The following KIFAP3 variants were observed in gnomAD, a reference collection of about 807,000 sequenced individuals.
KIFAP3 encodes kinesin-associated protein 3.
KIFAP3 carries 68 observed loss-of-function variants against 106.5 expected under a neutral mutation model. That is an observed-to-expected ratio of 0.64 (90% CI 0.53 to 0.78). The LOEUF is 0.78. KIFAP3 is among the 30% of genes least tolerant of loss of function. KIFAP3 has a pLI of 0.00. For missense variants in KIFAP3, 780 were observed against 941.8 expected (o/e 0.83, Z 2.25); for synonymous variants, 320 against 311.5 (o/e 1.03, Z -0.29).
intron 9 of KIFAP3, among the ~76,000 whole-genome samples, chr1:170,017,241 G>A (rs1022819121): frequency 3.4e-5 from 4 of 119,084 alleles, no homozygotes; most frequent in African/African-American, 1.0e-4. Context: ...TGGTGGCAGA[G>A]AGAGAGACTG....
At chr1:170,082,359 T>C (rs1286562545) in intron 1 of KIFAP3, among the ~76,000 whole-genome samples, 1 of 152,124 alleles carries the variant, frequency 6.6e-6, no homozygotes, top group East Asian at 1.9e-4. Context: ...AACTCTTGAA[T>C]AGAAAAAAAG....
chr1:170,040,331 A>G (rs1467300439), intron 3 of KIFAP3, among the ~76,000 whole-genome samples: 1 of 152,170 alleles, frequency 6.6e-6, no homozygotes, highest in Non-Finnish European at 1.5e-5. Flanking sequence ...GTGTATATTT[A>G]ATATACATTT....
At chr1:170,018,478 G>A (rs1306989052) in intron 9 of KIFAP3, among the ~76,000 whole-genome samples, 4 of 151,714 alleles carry the variant, frequency 2.6e-5, no homozygotes, top group Non-Finnish European at 5.9e-5. Context: ...AACATCTCAC[G>A]TCTTTTAGTT....
chr1:170,041,587 G>A (rs1669983723), intron 3 of KIFAP3: 1 of 984,014 alleles, frequency 1.0e-6, no homozygotes, highest in Non-Finnish European at 1.5e-6. Flanking sequence ...TAGCATTTCA[G>A]AGGCCCGGAG....
At chr1:170,000,357 A>G (rs1055284750) in intron 10 of KIFAP3, among the ~76,000 whole-genome samples, 2 of 152,162 alleles carry the variant, frequency 1.3e-5, no homozygotes, top group Non-Finnish European at 2.9e-5. Flanking sequence ...AGAAGTGGGA[A>G]TATAAGCACA....
intron 10 of KIFAP3, among the ~76,000 whole-genome samples, chr1:170,014,904 T>G (rs1668429662): frequency 6.6e-6 from 1 of 152,106 alleles, no homozygotes; most frequent in Non-Finnish European, 1.5e-5. Flanking sequence ...AAACTCTAAG[T>G]TGAATATAGT....
At position 169,921,423 on chromosome 1, in the gene KIFAP3, T is replaced by A; in HGVS notation, c.*253A>T. 1 of 301,272 alleles carries A rather than the reference T, an allele frequency of 3.3e-6. No homozygotes were observed. Among genetic ancestry groups the A allele is most frequent in the Non-Finnish European group, 6.2e-6 (1 of 161,280 alleles). The allele number at this position is 301,272 out of a possible 1,614,324, so 18.7% of individuals were successfully genotyped here. ...TTTCCAGTCTAGTAGCTTTTCAGCA[T>A]TCAGTTTTGTGGCTCATGGGAAATG... On this transcript the variant is annotated 3_prime_UTR_variant, in exon 20 of 20. Coordinates refer to ENST00000361580, the MANE Select transcript of KIFAP3 (RefSeq NM_014970.4).
chr1:170,029,635 C>A (rs759783597), intron 8 of KIFAP3, among the ~76,000 whole-genome samples: 1 of 151,248 alleles, frequency 6.6e-6, no homozygotes, highest in Non-Finnish European at 1.5e-5. Context: ...TATATTAAAC[C>A]CAAAGTAAGC....
chr1:169,994,411 G>A (rs1035590033), intron 10 of KIFAP3, among the ~76,000 whole-genome samples: 1 of 152,116 alleles, frequency 6.6e-6, no homozygotes, highest in African/African-American at 2.4e-5. Flanking sequence ...ATAAAAGACT[G>A]ATAAACACTG....
At chr1:170,060,051 G>T (rs539392196) in intron 1 of KIFAP3, among the ~76,000 whole-genome samples, 1 of 152,236 alleles carries the variant, frequency 6.6e-6, no homozygotes, top group South Asian at 2.1e-4. Context: ...CAAACCCACA[G>T]CCAATATCAT....
At position 169,951,599 on chromosome 1, in the gene KIFAP3, C is replaced by T. The variant is rs192811311; in HGVS notation, c.2273+2412G>A. ...GACCCAGTACATAACTTGTGGAATACATTTATCTCTCTCAAAACTTTTATT... is the reference window on the plus strand; with the variant it reads ...GACCCAGTACATAACTTGTGGAATATATTTATCTCTCTCAAAACTTTTATT... On this transcript the variant is annotated intron_variant, in intron 19 of 19. Coordinates refer to ENST00000361580, the MANE Select transcript of KIFAP3 (RefSeq NM_014970.4). Among the ~76,000 whole-genome samples the T allele has an allele frequency of 4.6e-3, 692 of 151,924 alleles. 6 individuals are homozygous for T. Among genetic ancestry groups the T allele is most frequent in the Non-Finnish European group, 5.3e-3 (358 of 67,750 alleles).
chr1:169,939,106 T>G (rs486431), intron 19 of KIFAP3, among the ~76,000 whole-genome samples: 142,366 of 152,230 alleles, frequency 0.94, 66,659 homozygotes, highest in East Asian at 0.99. Flanking sequence ...AAAAGATCAT[T>G]ATGGCTACTG....
chr1:169,992,289 A>C (rs746848983), intron 10 of KIFAP3, 34 bp from the exon 11 acceptor site: 2 of 1,190,878 alleles, frequency 1.7e-6, no homozygotes, highest in South Asian at 3.0e-5. Flanking sequence ...TGATGCTATA[A>C]ATATATATTT....
chr1:170,055,801 T>C (rs1387672439), intron 1 of KIFAP3, among the ~76,000 whole-genome samples: 1 of 152,056 alleles, frequency 6.6e-6, no homozygotes, highest in Non-Finnish European at 1.5e-5. Flanking sequence ...AGTCAGTTAT[T>C]CAAAACCAAA....
intron 10 of KIFAP3, among the ~76,000 whole-genome samples, chr1:169,999,853 C>CTTATAAAA (rs1283157131): frequency 6.6e-6 from 1 of 152,030 alleles, no homozygotes; most frequent in Non-Finnish European, 1.5e-5. Context: ...AATTATTGCA[C>CTTATAAAA]TTATAAAGTA....
intron 10 of KIFAP3, among the ~76,000 whole-genome samples, chr1:169,995,575 A>C (rs1667329451): frequency 6.6e-6 from 1 of 152,134 alleles, no homozygotes; most frequent in Non-Finnish European, 1.5e-5. Flanking sequence ...AAACAAAGAG[A>C]AATCAATAAC....
chr1:169,935,747 C>T (rs1039023815), intron 19 of KIFAP3, among the ~76,000 whole-genome samples: 11 of 151,898 alleles, frequency 7.2e-5, no homozygotes, highest in African/African-American at 2.2e-4. Flanking sequence ...TAAATACACA[C>T]AGATTTTACA....
intron 18 of KIFAP3, among the ~76,000 whole-genome samples, chr1:169,956,253 CATAA>C (rs1240230680): frequency 6.6e-6 from 1 of 151,942 alleles, no homozygotes; most frequent in Non-Finnish European, 1.5e-5. Context: ...AGAAATATTT[CATAA>C]ATAAAGCCAA....
intron 1 of KIFAP3, among the ~76,000 whole-genome samples, chr1:170,083,046 G>A (rs911913260): frequency 2.6e-5 from 4 of 152,100 alleles, no homozygotes; most frequent in Non-Finnish European, 4.4e-5. Context: ...ACAACACAGT[G>A]TGATAGAGAA....
Sources: allele counts gnomAD v4.1 joint callset (sites outside exome capture counted in the v4.1 genomes callset), GRCh38; gene constraint gnomAD v4.1.1; transcripts MANE v1.5; gene names NCBI Gene and HGNC (gene_info 2026-07-23, HGNC 2026-07-21).